The following NPHP4 variants were observed in gnomAD, a reference collection of about 807,000 sequenced individuals.
NPHP4 encodes the protein nephrocystin 4.
NPHP4 carries 151 observed loss-of-function variants against 155.8 expected under a neutral mutation model. The observed-to-expected ratio is 0.97, with a 90% CI of 0.85 to 1.11. The LOEUF (loss-of-function observed/expected upper bound fraction) is 1.11. Ranked by LOEUF, NPHP4 falls within the 50% of genes least tolerant of loss-of-function variation. The pLI is 0.00. For missense variants in NPHP4, 1,956 were observed against 1,925.7 expected (o/e 1.02, Z -0.29); for synonymous variants, 845 against 816.8 (o/e 1.03, Z -0.59).
intron 3 of NPHP4, among the ~76,000 whole-genome samples, chr1:5,975,628 G>A (rs1206387497): frequency 6.6e-6 from 1 of 152,156 alleles, no homozygotes; most frequent in African/African-American, 2.4e-5. Flanking sequence ...TCCCACAGTC[G>A]GCTGCCCTTG....
At position 5,867,721 on chromosome 1, in the gene NPHP4, G is replaced by A. The variant is rs753048687; in HGVS notation, c.3472+19C>T. 57 of 1,606,340 alleles carry A rather than the reference G, an allele frequency of 3.5e-5. No homozygotes were observed. The highest frequency in any genetic ancestry group is 4.7e-5 in the Non-Finnish European group (56 of 1,179,140). On this transcript the variant is annotated intron_variant, in intron 24 of 29. Transcript: ENST00000378156. This position sits in a 1 kb window ranked among gnomAD's most constrained non-coding sequence, Gnocchi z 4.1. ...GTGAGCCTGCAACATGTGGGCTGCA[G>A]GGTCAGTGCAGGACCTGCCTGGAAA...
In NPHP4 at chr1:5,874,515, A is replaced by G. The variant is rs1291902671; in HGVS notation, c.3187T>C (p.Phe1063Leu). Residue 1063 changes from phenylalanine to leucine, a missense_variant, in exon 22 of 30, where the codon TTC (phenylalanine) becomes CTC (leucine). Coordinates refer to ENST00000378156, the MANE Select transcript of NPHP4 (RefSeq NM_015102.5). The part of the protein sequence containing the change: ...LRPHETAHVP[F>L]KFQSFSAGQL... ...CCTGCAGAGAAGCTCTGGAACTTGAAGGGGACGTGGGCGGTCTCGTGGGGG... is the reference window on the plus strand; with the variant it reads ...CCTGCAGAGAAGCTCTGGAACTTGAGGGGGACGTGGGCGGTCTCGTGGGGG... 1 of 1,578,234 alleles carries G rather than the reference A, an allele frequency of 6.3e-7. No individual in the cohort carries two copies. The highest frequency in any genetic ancestry group is 1.2e-5 in the South Asian group (1 of 86,484).
Position 5,867,923 on chromosome 1 carries a change from G to A in NPHP4, c.3316-27C>T, listed in dbSNP as rs1557594107. ...TGTGAGGAGGCCACGCTGAGTGTTGGGATGGGCACGAGGCTTGTGAGCAGC... is the reference window on the plus strand; with the variant it reads ...TGTGAGGAGGCCACGCTGAGTGTTGAGATGGGCACGAGGCTTGTGAGCAGC... On this transcript the variant is annotated intron_variant, in intron 23 of 29. Coordinates refer to ENST00000378156, the MANE Select transcript of NPHP4 (RefSeq NM_015102.5). The surrounding 1 kb of genome is among the most constrained non-coding windows in gnomAD (Gnocchi z 4.1). The A allele has an allele frequency of 1.1e-5, 18 of 1,613,604 alleles. No individual in the cohort carries two copies. The highest frequency in any genetic ancestry group is 1.4e-5 in the Non-Finnish European group (17 of 1,179,566).
intron 20 of NPHP4, among the ~76,000 whole-genome samples, chr1:5,875,748 C>T (rs1037710280): frequency 6.6e-6 from 1 of 152,242 alleles, no homozygotes; most frequent in Non-Finnish European, 1.5e-5. Flanking sequence ...AGATCTCAGG[C>T]CTGGAAGGGG....
chr1:5,928,399 C>A (rs1646120227), intron 10 of NPHP4, among the ~76,000 whole-genome samples: 1 of 152,194 alleles, frequency 6.6e-6, no homozygotes. Context: ...CAAACTGTTT[C>A]TTTTTTTATT....
At position 5,964,937 on chromosome 1, in the gene NPHP4, A is replaced by ATTTTTT. The variant is rs1400602210; in HGVS notation, c.517+2361_517+2362insAAAAAA. 3.3e-3 allele frequency among the ~76,000 whole-genome samples: 179 copies of ATTTTTT among 54,894 alleles called. 7 individuals are homozygous for ATTTTTT. The highest frequency in any genetic ancestry group is 0.014 in the African/African-American group (154 of 10,752). 36.0% of individuals were successfully genotyped at this position (54,894 alleles called of 152,430 possible). Reference sequence around the variant, plus strand: ...ATATATTATATATATATATATATATATATATTTTTTTTTTTTGAGGCAGGG... The same window carrying ATTTTTT: ...ATATATTATATATATATATATATATATTTTTTTATATTTTTTTTTTTTGAGGCAGGG... On this transcript the variant is annotated intron_variant, in intron 5 of 29. Transcript: ENST00000378156.
intron 15 of NPHP4, 51 bp from the exon 16 acceptor site, chr1:5,904,855 T>A: frequency 6.4e-7 from 1 of 1,567,264 alleles, no homozygotes; most frequent in Non-Finnish European, 8.8e-7. Flanking sequence ...GCACAGAACC[T>A]GAGGGGTCTA....
chr1:5,866,790 C>T (rs1166578656), intron 25 of NPHP4, among the ~76,000 whole-genome samples: 4 of 152,246 alleles, frequency 2.6e-5, no homozygotes, highest in South Asian at 2.1e-4. Context: ...AACTTTGCTT[C>T]GTGCCTTTTT....
chr1:5,878,401 G>A (rs1163198912), intron 19 of NPHP4, among the ~76,000 whole-genome samples: 1 of 152,222 alleles, frequency 6.6e-6, no homozygotes, highest in African/African-American at 2.4e-5. Context: ...CTGCAGCCAC[G>A]GCTGTGAGTG....
Position 5,969,262 on chromosome 1 carries a change from G to A in NPHP4, c.280-3C>T. On this transcript the variant is annotated splice_polypyrimidine_tract_variant and splice_region_variant and intron_variant, in intron 3 of 29. Transcript: ENST00000378156. ...AGGGATGTGTGAAAATACAAGGGCT[G>A]CAGAACAGAAGCCAGAGGATGGTCT... 9.1e-6 allele frequency: 14 copies of A among 1,542,614 alleles called. No individual in the cohort carries two copies. Among genetic ancestry groups the A allele is most frequent in the Non-Finnish European group, 1.2e-5 (14 of 1,135,132 alleles).
At chr1:5,961,725 C>G in intron 6 of NPHP4, 69 bp downstream of exon 6, 4 of 1,498,248 alleles carry the variant, frequency 2.7e-6, no homozygotes, top group Non-Finnish European at 3.6e-6. Flanking sequence ...AGCCCAGTGC[C>G]TTCAAGGTTT....
Position 5,863,884 on chromosome 1 carries a change from C to CCA in NPHP4, c.4140+4_4140+5dup, listed in dbSNP as rs748240092. On this transcript the variant is annotated splice_donor_region_variant and intron_variant, in intron 29 of 29. Transcript: ENST00000378156. ...CCTAGGAGTCCCAGGCACAGCCCCACCACACCTGGAAGGAGTCCTCTCTGA... is the reference window on the plus strand; with the variant it reads ...CCTAGGAGTCCCAGGCACAGCCCCACCACACACCTGGAAGGAGTCCTCTCTGA... The CCA allele has an allele frequency of 2.5e-6, 4 of 1,613,708 alleles. No homozygotes were observed. The highest frequency in any genetic ancestry group is 1.7e-6 in the Non-Finnish European group (2 of 1,179,862).
At chr1:5,931,211 CAA>C (rs1192192247) in intron 10 of NPHP4, among the ~76,000 whole-genome samples, 1 of 152,040 alleles carries the variant, frequency 6.6e-6, no homozygotes, top group East Asian at 1.9e-4. Context: ...TTAAGCCTGA[CAA>C]TATCTTTTAA....
chr1:5,931,691 G>A (rs890538079), intron 10 of NPHP4, among the ~76,000 whole-genome samples: 17 of 139,860 alleles, frequency 1.2e-4, no homozygotes, highest in East Asian at 8.4e-4. Flanking sequence ...CTGAGACTGC[G>A]CCACTGCACT....
In NPHP4 at chr1:5,892,843, C is replaced by G. The variant is rs952484331; in HGVS notation, c.2144-1815G>C. 7.9e-5 allele frequency among the ~76,000 whole-genome samples: 12 copies of G among 152,136 alleles called. No homozygotes were observed. Among genetic ancestry groups the G allele is most frequent in the Non-Finnish European group, 1.6e-4 (11 of 68,018 alleles). On this transcript the variant is annotated intron_variant, in intron 16 of 29. Coordinates refer to ENST00000378156, the MANE Select transcript of NPHP4 (RefSeq NM_015102.5). This position sits in a 1 kb window ranked among gnomAD's most constrained non-coding sequence, Gnocchi z 4.5. ...ACTGAACTAAGAAGACTCCCAGGGG[C>G]AGTGGCCCTGTCCTCCCCAAGCCCA...
At chr1:5,884,333 G>A (rs1323206972) in intron 18 of NPHP4, among the ~76,000 whole-genome samples, 1 of 152,184 alleles carries the variant, frequency 6.6e-6, no homozygotes, top group African/African-American at 2.4e-5. Flanking sequence ...AGGATGTCCT[G>A]TGAGAACACA....
At position 5,864,458 on chromosome 1, in the gene NPHP4, G is replaced by A. The variant is rs115526767; in HGVS notation, c.3876C>T (p.Gly1292=). ...GGCTGCCGGCCCTAAGGGGCCTCAC[G>A]CCAACATGCAGGTCCTGCACCCCAC... ...PPRGVQDLHV[G]VRPLRAGSRF... The change falls in exon 28 of 30, where the codon GGC becomes GGT. Residue 1292 remains glycine (G), a synonymous_variant. Coordinates refer to ENST00000378156, the MANE Select transcript of NPHP4 (RefSeq NM_015102.5). The A allele has an allele frequency of 0.015, 24,191 of 1,605,318 alleles. 233 individuals are homozygous for A. Among genetic ancestry groups the A allele is most frequent in the Non-Finnish European group, 0.019 (21,865 of 1,176,314 alleles).
At chr1:5,967,860 C>T (rs1651820034) in intron 4 of NPHP4, among the ~76,000 whole-genome samples, 1 of 152,016 alleles carries the variant, frequency 6.6e-6, no homozygotes, top group South Asian at 2.1e-4. Context: ...GACGACAGCC[C>T]CGCGACAGCA....
At chr1:5,922,552 T>C (rs1157406644) in intron 11 of NPHP4, among the ~76,000 whole-genome samples, 1 of 152,152 alleles carries the variant, frequency 6.6e-6, no homozygotes, top group Non-Finnish European at 1.5e-5. Context: ...GTTTTTTTTT[T>C]TAATTAAAAA....
Sources: gnomAD v4.1 joint callset for allele counts (sites outside exome capture counted in the v4.1 genomes callset) on GRCh38, gnomAD v4.1.1 for gene constraint, Gnocchi (gnomAD v3.1) non-coding constraint, MANE v1.5 for transcripts, NCBI Gene and HGNC (gene_info 2026-07-23, HGNC 2026-07-21) for gene names.